Variants in SHB observed in about 807,000 individuals in gnomAD.
SHB encodes the protein SH2 domain containing adaptor protein B.
A neutral mutation model predicts 52.3 loss-of-function variants in SHB; 20 were observed. The ratio of observed to expected loss-of-function variants is 0.38; its 90% CI spans 0.27 to 0.56. The LOEUF is 0.56. SHB is among the 20% of genes least tolerant of loss of function. SHB has a pLI of 0.71. For missense variants in SHB, 825 were observed against 723.3 expected (o/e 1.14, Z -1.61); for synonymous variants, 397 against 316.5 (o/e 1.25, Z -2.70).
At chr9:38,023,995 G>A (rs1376128104) in intron 1 of SHB, among the ~76,000 whole-genome samples, 2 of 152,260 alleles carry the variant, frequency 1.3e-5, no homozygotes, top group Non-Finnish European at 2.9e-5. Flanking sequence ...ATTTAGGGAA[G>A]ATTAATTAGC....
intron 5 of SHB, among the ~76,000 whole-genome samples, chr9:37,946,220 C>G (rs770027470): frequency 3.3e-5 from 5 of 152,234 alleles, no homozygotes; most frequent in Non-Finnish European, 7.3e-5. Context: ...CCACCAAACA[C>G]AGCTGGGCCC....
At position 37,916,108 on chromosome 9, in the gene SHB, C is replaced by T. The variant is rs1234516605; in HGVS notation, c.*3713G>A. ...ACCAAGGGGCTTGCCCTCCTGCAAGCGCGCCTGTGAACAAGTCCCCGTGGG... is the reference window on the plus strand; with the variant it reads ...ACCAAGGGGCTTGCCCTCCTGCAAGTGCGCCTGTGAACAAGTCCCCGTGGG... On this transcript the variant is annotated 3_prime_UTR_variant, in exon 6 of 6. Coordinates refer to ENST00000377707, the MANE Select transcript of SHB (RefSeq NM_003028.3). Among the ~76,000 whole-genome samples the T allele has an allele frequency of 3.3e-5, 5 of 152,210 alleles. No homozygotes were observed. Among genetic ancestry groups the T allele is most frequent in the East Asian group, 1.9e-4 (1 of 5,192 alleles).
intron 3 of SHB, among the ~76,000 whole-genome samples, chr9:37,966,441 TA>T (rs928136076): frequency 9.2e-5 from 14 of 152,130 alleles, no homozygotes; most frequent in Non-Finnish European, 1.8e-4. Context: ...ATACGTCAAA[TA>T]GAAAAACCAA....
At chr9:37,975,817 C>T (rs1387400929) in intron 2 of SHB, among the ~76,000 whole-genome samples, 1 of 152,046 alleles carries the variant, frequency 6.6e-6, no homozygotes, top group Non-Finnish European at 1.5e-5. Flanking sequence ...TCATGCTTGG[C>T]GGCAAAGGGG....
At chr9:38,026,785 T>C (rs1821348309) in intron 1 of SHB, among the ~76,000 whole-genome samples, 1 of 152,162 alleles carries the variant, frequency 6.6e-6, no homozygotes. Flanking sequence ...ACAGGAAACT[T>C]AGGGTGGCTA....
chr9:37,961,514 T>C (rs1832691763), intron 3 of SHB, among the ~76,000 whole-genome samples: 1 of 152,058 alleles, frequency 6.6e-6, no homozygotes, highest in South Asian at 2.1e-4. Flanking sequence ...GCGCTCAAGT[T>C]CCTCTGAATT....
At chr9:38,037,664 T>C (rs138915906) in intron 1 of SHB, among the ~76,000 whole-genome samples, 192 of 152,302 alleles carry the variant, frequency 1.3e-3, no homozygotes, top group African/African-American at 4.3e-3. Context: ...TTATCATCGA[T>C]TCAGCCCCCA....
Position 38,068,292 on chromosome 9 carries a change from G to A in SHB, c.354C>T (p.Ser118=), listed in dbSNP as rs1449072097. The change falls in exon 1 of 6, where the codon AGC becomes AGT. Residue 118 remains serine, a synonymous_variant. Transcript: ENST00000377707. ...AMCRLDYCGG[S]GEPGGVQRAF... ...CGCGCTGGACCCCGCCTGGCTCCCC[G>A]CTGCCGCCGCAGTAGTCCAGGCGGC... 19 of 1,481,430 alleles carry A rather than the reference G, an allele frequency of 1.3e-5. No individual in the cohort carries two copies. Among genetic ancestry groups the A allele is most frequent in the Non-Finnish European group, 1.6e-5 (18 of 1,121,478 alleles). 91.8% of individuals were successfully genotyped at this position (1,481,430 alleles called of 1,614,324 possible).
At position 38,068,585 on chromosome 9, in the gene SHB, G is replaced by T; in HGVS notation, c.61C>A (p.Gln21Lys). ...TCGCGGTAGTCTGGCCGCGGCGGCT[G>T]CGGGGGGCTCTTGGTCTTGCTGTTG... ...LGNSKTKSPPQPPRPDYREQR... is the reference protein window; with the variant it reads ...LGNSKTKSPPKPPRPDYREQR... The change falls in exon 1 of 6, where the codon CAG (glutamine) becomes AAG (lysine). Residue 21 changes from glutamine (Q) to lysine (K), a missense_variant. Coordinates refer to ENST00000377707, the MANE Select transcript of SHB (RefSeq NM_003028.3). 2.0e-6 allele frequency: 3 copies of T among 1,491,770 alleles called. No individual in the cohort carries two copies. Among genetic ancestry groups the T allele is most frequent in the Non-Finnish European group, 2.6e-6 (3 of 1,132,536 alleles). 92.4% of individuals were successfully genotyped at this position (1,491,770 alleles called of 1,614,324 possible).
intron 5 of SHB, among the ~76,000 whole-genome samples, chr9:37,940,099 G>A (rs914480954): frequency 3.9e-5 from 6 of 152,164 alleles, no homozygotes; most frequent in African/African-American, 1.4e-4. Flanking sequence ...ACTTGTCAGA[G>A]GCAGAGCTAG....
chr9:37,968,541 T>A (rs936719847), intron 3 of SHB, among the ~76,000 whole-genome samples: 2 of 152,228 alleles, frequency 1.3e-5, no homozygotes, highest in African/African-American at 4.8e-5. Context: ...ATCTTTGCTA[T>A]GAGGCAGACC....
intron 2 of SHB, among the ~76,000 whole-genome samples, chr9:37,981,720 C>T: frequency 6.6e-6 from 1 of 152,114 alleles, no homozygotes; most frequent in East Asian, 1.9e-4. Context: ...TCTCCCTTTC[C>T]TTTGAACATG....
At chr9:37,959,668 C>T (rs1265388176) in intron 3 of SHB, among the ~76,000 whole-genome samples, 4 of 152,142 alleles carry the variant, frequency 2.6e-5, no homozygotes, top group Admixed American at 6.5e-5. Flanking sequence ...CCAAGCTTTT[C>T]GGCACAACCC....
At chr9:37,964,961 C>A (rs183735155) in intron 3 of SHB, among the ~76,000 whole-genome samples, 10 of 152,242 alleles carry the variant, frequency 6.6e-5, no homozygotes, top group Non-Finnish European at 1.3e-4. Context: ...GACCTACACA[C>A]GTCTGATACA....
intron 2 of SHB, among the ~76,000 whole-genome samples, chr9:38,012,914 A>G (rs1216078625): frequency 2.0e-5 from 3 of 149,938 alleles, no homozygotes; most frequent in African/African-American, 7.4e-5. Context: ...CACCAGCACC[A>G]CTCTCTCTTC....
intron 2 of SHB, among the ~76,000 whole-genome samples, chr9:37,979,887 T>C (rs1820703171): frequency 6.6e-6 from 1 of 152,250 alleles, no homozygotes; most frequent in Non-Finnish European, 1.5e-5. Flanking sequence ...TATTATACTG[T>C]AGTTTATTAA....
intron 2 of SHB, 110 bp downstream of exon 2, chr9:38,015,901 C>T: frequency 9.4e-7 from 1 of 1,064,334 alleles, no homozygotes; most frequent in Non-Finnish European, 1.4e-6. Flanking sequence ...AACTTGAAAG[C>T]ACACACCATG....
At position 37,953,399 on chromosome 9, in the gene SHB, T is replaced by C. The variant is rs536753739; in HGVS notation, c.1226+2484A>G. On this transcript the variant is annotated intron_variant, in intron 4 of 5. Transcript: ENST00000377707. ...GAGTTTCTGTTCTCAGCAGGGGCAG[T>C]TGAGAGGAATGTTGAGTCAAGGTTT... Among the ~76,000 whole-genome samples the C allele has an allele frequency of 2.0e-3, 305 of 151,944 alleles. 1 individual carries two copies. The highest frequency in any genetic ancestry group is 6.9e-3 in the African/African-American group (286 of 41,446).
intron 5 of SHB, among the ~76,000 whole-genome samples, chr9:37,924,407 T>C (rs963965110): frequency 1.2e-4 from 18 of 152,240 alleles, no homozygotes; most frequent in African/African-American, 4.1e-4. Context: ...TGAAGAATCC[T>C]GGGTAATAGT....
Sources: gnomAD v4.1 joint callset for allele counts (sites outside exome capture counted in the v4.1 genomes callset) on GRCh38, gnomAD v4.1.1 for gene constraint, MANE v1.5 for transcripts, NCBI Gene and HGNC (gene_info 2026-07-23, HGNC 2026-07-21) for gene names.